Variants in OXSR1 observed in about 807,000 individuals in gnomAD.
OXSR1 encodes the protein serine/threonine-protein kinase OSR1.
OXSR1 carries 24 observed loss-of-function variants against 79.8 expected under a neutral mutation model. That is an observed-to-expected ratio of 0.30 (90% CI 0.22 to 0.42). The LOEUF is 0.42. Among genes scored for constraint, OXSR1 ranks in the 10% least tolerant of loss-of-function variants. OXSR1 has a pLI of 1.00. For synonymous variants in OXSR1, 226 were observed against 209.2 expected, an observed-to-expected ratio of 1.08 and a Z score of -0.69; for missense variants, 430 against 618.4, an observed-to-expected ratio of 0.70 and a Z score of 3.23.
chr3:38,178,461 CAA>C (rs1209948792), intron 1 of OXSR1, among the ~76,000 whole-genome samples: 1 of 151,472 alleles, frequency 6.6e-6, no homozygotes, highest in Non-Finnish European at 1.5e-5. Flanking sequence ...ATTTTGGAGA[CAA>C]GAGTCTTGCT....
At chr3:38,207,883 C>T (rs1345310877) in intron 4 of OXSR1, among the ~76,000 whole-genome samples, 3 of 113,526 alleles carry the variant, frequency 2.6e-5, no homozygotes, top group African/African-American at 6.8e-5. Context: ...TCCCTCCCCA[C>T]CCCCGTCCTT....
intron 3 of OXSR1, chr3:38,193,518 A>T: frequency 1.5e-6 from 1 of 664,608 alleles, no homozygotes; most frequent in East Asian, 6.6e-5. Flanking sequence ...TTTTGCAAAA[A>T]AGTCCTCTGA....
intron 12 of OXSR1, among the ~76,000 whole-genome samples, 173 bp from the exon 13 acceptor site, chr3:38,245,902 C>T (rs1703131576): frequency 6.6e-6 from 1 of 152,032 alleles, no homozygotes; most frequent in Non-Finnish European, 1.5e-5. Context: ...AGTTTAAAAG[C>T]CTAGAAATAT....
intron 10 of OXSR1, among the ~76,000 whole-genome samples, chr3:38,233,912 A>G (rs1210604801): frequency 6.6e-6 from 1 of 152,236 alleles, no homozygotes; most frequent in African/African-American, 2.4e-5. Context: ...ACCCTGTCTC[A>G]AAAGAAAAAA....
chr3:38,188,865 G>A (rs1475648868), intron 2 of OXSR1, among the ~76,000 whole-genome samples: 1 of 152,054 alleles, frequency 6.6e-6, no homozygotes, highest in Non-Finnish European at 1.5e-5. Context: ...CCCCTGTCAA[G>A]CTGTTTATTA....
At chr3:38,192,011 G>A (rs1381944451) in intron 3 of OXSR1, among the ~76,000 whole-genome samples, 1 of 152,140 alleles carries the variant, frequency 6.6e-6, no homozygotes, top group African/African-American at 2.4e-5. Flanking sequence ...TCTTTTTTAA[G>A]GATCAAGTTT....
At chr3:38,164,287 A>G (rs543350174), upstream of OXSR1, among the ~76,000 whole-genome samples, 1 of 152,196 alleles carries the variant, frequency 6.6e-6, no homozygotes, top group Non-Finnish European at 1.5e-5. Flanking sequence ...CTGGGATTAC[A>G]GGCGCCAGCC....
chr3:38,193,910 C>T (rs963349071), intron 3 of OXSR1, among the ~76,000 whole-genome samples: 3 of 152,012 alleles, frequency 2.0e-5, no homozygotes, highest in African/African-American at 7.3e-5. Context: ...AAAAATTTTG[C>T]ATTTTTTTAG....
chr3:38,197,051 C>T (rs980579340), intron 3 of OXSR1, among the ~76,000 whole-genome samples: 21 of 152,226 alleles, frequency 1.4e-4, no homozygotes, highest in African/African-American at 4.8e-5. Context: ...ATTTCCTGAA[C>T]GGTGAAACAT....
chr3:38,185,357 G>A (rs1273121629), intron 2 of OXSR1, among the ~76,000 whole-genome samples: 1 of 152,008 alleles, frequency 6.6e-6, no homozygotes, highest in Admixed American at 6.5e-5. Context: ...GGCCAAGGCG[G>A]GTGGATCACT....
chr3:38,179,457 A>C (rs1172702362), intron 1 of OXSR1, among the ~76,000 whole-genome samples: 2 of 152,056 alleles, frequency 1.3e-5, no homozygotes, highest in Non-Finnish European at 2.9e-5. Context: ...GTGAGTCATT[A>C]TTTCTGGCCT....
At chr3:38,175,444 C>G (rs548463527) in intron 1 of OXSR1, among the ~76,000 whole-genome samples, 1 of 152,122 alleles carries the variant, frequency 6.6e-6, no homozygotes, top group African/African-American at 2.4e-5. Context: ...GGACTACAGG[C>G]GTGTGCCACC....
intron 8 of OXSR1, among the ~76,000 whole-genome samples, chr3:38,227,820 C>G (rs577961129): frequency 6.6e-6 from 1 of 152,092 alleles, no homozygotes; most frequent in Admixed American, 6.5e-5. Flanking sequence ...CAGGCAACCT[C>G]GGGGAACAGA....
In OXSR1 at chr3:38,165,814, C is replaced by A; in HGVS notation, c.-63C>A. ...GGCGGCTGTTGGGGGTGGGGAGACGCGCGGCGAGGAGACGAGCGAGGTCAG... is the reference window on the plus strand; with the variant it reads ...GGCGGCTGTTGGGGGTGGGGAGACGAGCGGCGAGGAGACGAGCGAGGTCAG... On this transcript the variant is annotated 5_prime_UTR_variant, in exon 1 of 18. Transcript: ENST00000311806. 7.1e-7 allele frequency: 1 copy of A among 1,416,828 alleles called. No homozygotes were observed. Among genetic ancestry groups the A allele is most frequent in the Non-Finnish European group, 9.8e-7 (1 of 1,022,150 alleles). 87.8% of individuals were successfully genotyped at this position (1,416,828 alleles called of 1,614,324 possible).
intron 6 of OXSR1, among the ~76,000 whole-genome samples, chr3:38,222,742 T>C (rs1702613941): frequency 6.6e-6 from 1 of 152,198 alleles, no homozygotes; most frequent in Non-Finnish European, 1.5e-5. Context: ...CCTTCCTAAC[T>C]TTTTCATTAT....
Position 38,195,003 on chromosome 3 carries a change from T to C in OXSR1, c.293-3719T>C, listed in dbSNP as rs183996127. On this transcript the variant is annotated intron_variant, in intron 3 of 17. Transcript: ENST00000311806. ...AAAATAAGTTTAATTGTGTCAATAT[T>C]ATAATCATTTAATGATGCTTCATTA... Among the ~76,000 whole-genome samples the C allele has an allele frequency of 3.3e-5, 5 of 152,352 alleles. No individual in the cohort carries two copies. In the East Asian group the frequency reaches 9.6e-4, roughly 29 times the overall value.
intron 8 of OXSR1, among the ~76,000 whole-genome samples, chr3:38,228,945 A>G (rs1042713908): frequency 1.3e-5 from 2 of 152,202 alleles, no homozygotes; most frequent in African/African-American, 4.8e-5. Context: ...GGCTTGGCCA[A>G]GTAATACTGA....
chr3:38,233,077 C>A (rs765397156), intron 10 of OXSR1, among the ~76,000 whole-genome samples: 3 of 152,126 alleles, frequency 2.0e-5, no homozygotes, highest in Non-Finnish European at 4.4e-5. Context: ...GTCCCTCCCC[C>A]ACTCCATGCT....
Position 38,247,745 on chromosome 3 carries a change from TTTTTG to T in OXSR1, c.1322+23_1322+27del. Reference sequence around the variant, plus strand: ...TACTAAGATTAAGGTAAGTAGACATTTTTTGTTTTGTTTTCTTTTGTTTTCTGAAT... The same window carrying T: ...TACTAAGATTAAGGTAAGTAGACATTTTTTGTTTTCTTTTGTTTTCTGAAT... On this transcript the variant is annotated intron_variant, in intron 14 of 17. Transcript: ENST00000311806. The T allele has an allele frequency of 2.5e-6, 4 of 1,581,688 alleles. No homozygotes were observed. Among genetic ancestry groups the T allele is most frequent in the Non-Finnish European group, 3.5e-6 (4 of 1,151,516 alleles).
Sources: gnomAD v4.1 joint callset for allele counts (sites outside exome capture counted in the v4.1 genomes callset) on GRCh38, gnomAD v4.1.1 for gene constraint, MANE v1.5 for transcripts, NCBI Gene and HGNC (gene_info 2026-07-23, HGNC 2026-07-21) for gene names.